CD48: variants seen among roughly 807,000 people sequenced by gnomAD.
CD48 encodes the protein CD48 molecule, also known as CD48 antigen.
A neutral mutation model predicts 22.0 loss-of-function variants in CD48; 20 were observed. The ratio of observed to expected loss-of-function variants is 0.91; its 90% confidence interval spans 0.64 to 1.32. The LOEUF is 1.32. CD48 is among the 40% of genes most tolerant of loss of function. The pLI, the probability that CD48 is intolerant of heterozygous loss-of-function variation, is 0.00. For missense variants in CD48, 307 were observed against 286.5 expected (o/e 1.07, Z -0.52); for synonymous variants, 110 against 110.1 (o/e 1.00, Z 0.01).
chr1:160,689,917 A>T (rs1304647782), intron 1 of CD48, among the ~76,000 whole-genome samples: 1 of 152,018 alleles, frequency 6.6e-6, no homozygotes, highest in African/African-American at 2.4e-5. Flanking sequence ...TTTATGGAAA[A>T]TTTTTTGCCT....
chr1:160,690,379 A>G lies in CD48; in HGVS notation c.83-5190T>C, dbSNP rs115237530. On this transcript the variant is annotated intron_variant, in intron 1 of 3. Transcript: ENST00000368046. Reference sequence around the variant, plus strand: ...CTAACATGAGTCACATCCATTTGCCATCAAGCATTAGGAGTTAGGCCTCTA... The same window carrying G: ...CTAACATGAGTCACATCCATTTGCCGTCAAGCATTAGGAGTTAGGCCTCTA... Among the ~76,000 whole-genome samples the G allele has an allele frequency of 5.2e-3, 794 of 152,362 alleles. 7 individuals are homozygous for G. Among genetic ancestry groups the G allele is most frequent in the African/African-American group, 0.018 (761 of 41,594 alleles).
chr1:160,683,325 T>G (rs1661872427), intron 2 of CD48, among the ~76,000 whole-genome samples: 1 of 152,128 alleles, frequency 6.6e-6, no homozygotes, highest in Non-Finnish European at 1.5e-5. Context: ...CAGAGGACCA[T>G]TTTTTCTGCT....
chr1:160,710,371 G>A (rs1337994853), intron 1 of CD48, among the ~76,000 whole-genome samples: 1 of 150,798 alleles, frequency 6.6e-6, no homozygotes, highest in African/African-American at 2.5e-5. Context: ...TGCTTAATTT[G>A]TATTTTACTA....
chr1:160,711,726 T>C lies in CD48; in HGVS notation c.38A>G (p.Glu13Gly). The C allele has an allele frequency of 6.2e-7, 1 of 1,613,764 alleles. No individual in the cohort carries two copies. The highest frequency in any genetic ancestry group is 8.5e-7 in the Non-Finnish European group (1 of 1,179,762). Residue 13 changes from glutamate (E) to glycine (G), a missense_variant, in exon 1 of 4, where the codon GAA (glutamate) becomes GGA (glycine). Glu to Gly is a moderately conservative substitution (Grantham distance 98). Transcript: ENST00000368046. ...GAGTGACAGAGGCAGCAGTAGCAAT[T>C]CCAGAGCCAGACACGAATCCCAACC... The part of the protein sequence containing the change: ...SRGWDSCLAL[E>G]LLLLPLSLLV...
chr1:160,692,652 C>T (rs936401159), intron 1 of CD48, among the ~76,000 whole-genome samples: 2 of 152,064 alleles, frequency 1.3e-5, no homozygotes, highest in African/African-American at 4.8e-5. Context: ...CCTATGGCAC[C>T]ACCTAGTAGA....
chr1:160,686,288 A>T (rs1017067209), intron 1 of CD48, among the ~76,000 whole-genome samples: 1 of 152,190 alleles, frequency 6.6e-6, no homozygotes, highest in Non-Finnish European at 1.5e-5. Flanking sequence ...GGAGAAGGTC[A>T]GAGAAAAACT....
chr1:160,681,433 T>G lies in CD48; in HGVS notation c.421A>C (p.Ile141Leu), dbSNP rs746441388. Reference protein sequence around the residue: ...VPKPVIKIEKIEDMDDNCYLK... With the variant: ...VPKPVIKIEKLEDMDDNCYLK... ...TAACAGTTGTCATCCATGTCTTCTATCTTCTCAATTTTGATGACAGGCTTG... is the reference window on the plus strand; with the variant it reads ...TAACAGTTGTCATCCATGTCTTCTAGCTTCTCAATTTTGATGACAGGCTTG... The change falls in exon 3 of 4, where the codon ATA (isoleucine) becomes CTA (leucine). Residue 141 changes from isoleucine to leucine, a missense_variant. Physicochemically the swap from Ile to Leu is conservative, Grantham distance 5. Transcript: ENST00000368046. The G allele has an allele frequency of 6.2e-7, 1 of 1,613,978 alleles. No homozygotes were observed. Among genetic ancestry groups the G allele is most frequent in the Admixed American group, 1.7e-5 (1 of 60,008 alleles).
rs1452673569 is a variant in CD48 at position 160,702,251 on chromosome 1, AT to A, written c.82+9430del. Among the ~76,000 whole-genome samples the A allele has an allele frequency of 2.6e-5, 4 of 152,208 alleles. No homozygotes were observed. The East Asian group carries it at 7.7e-4, about 29-fold the overall frequency. On this transcript the variant is annotated intron_variant, in intron 1 of 3. Transcript: ENST00000368046. The stretch of plus-strand genomic sequence containing the variant: ...TCAAAGGCAAAGAATCAGGAAGTAA[AT>A]TTAGAGGAATAGTACTAAAGAGATC...
intron 1 of CD48, among the ~76,000 whole-genome samples, chr1:160,690,440 G>T (rs1430456356): frequency 1.3e-5 from 2 of 152,194 alleles, no homozygotes; most frequent in Non-Finnish European, 1.5e-5. Flanking sequence ...GAAGTACGAA[G>T]ACCTGGCACT....
chr1:160,701,175 T>TA (rs34978243), intron 1 of CD48, among the ~76,000 whole-genome samples: 2 of 136,854 alleles, frequency 1.5e-5, no homozygotes, highest in Non-Finnish European at 3.1e-5. Flanking sequence ...TAAAGCAATA[T>TA]AAAAAAAAAT....
In CD48 at chr1:160,699,975, T is replaced by C. The variant is rs557165001; in HGVS notation, c.82+11707A>G. ...TTTCCAAGTCTCTCGTTCCACCTTA[T>C]GAGAAACACCCACAGGTGTGGAGGG... On this transcript the variant is annotated intron_variant, in intron 1 of 3. Coordinates refer to ENST00000368046, the MANE Select transcript of CD48 (RefSeq NM_001778.4). Among the ~76,000 whole-genome samples the C allele has an allele frequency of 5.9e-5, 9 of 152,198 alleles. No homozygotes were observed. In the South Asian group the frequency reaches 6.2e-4, roughly 11 times the overall value.
intron 1 of CD48, 59 bp from the exon 2 acceptor site, chr1:160,685,248 C>G (rs1011296527): frequency 1.5e-6 from 2 of 1,330,462 alleles, no homozygotes; most frequent in African/African-American, 2.9e-5. Context: ...CTGACAGGCC[C>G]AGGGTATAGC....
chr1:160,708,132 C>T (rs955046700), intron 1 of CD48, among the ~76,000 whole-genome samples: 4 of 152,014 alleles, frequency 2.6e-5, no homozygotes, highest in African/African-American at 9.7e-5. Context: ...TGGGATGAAA[C>T]CAGGGAAAGA....
intron 1 of CD48, among the ~76,000 whole-genome samples, chr1:160,696,823 A>T (rs1436173151): frequency 1.4e-5 from 2 of 147,406 alleles, no homozygotes; most frequent in East Asian, 3.9e-4. Context: ...CTGTAATGGG[A>T]GTTCCAGAAA....
intron 1 of CD48, among the ~76,000 whole-genome samples, chr1:160,689,938 G>A (rs909066075): frequency 9.9e-5 from 15 of 152,182 alleles, no homozygotes; most frequent in Admixed American, 2.0e-4. Context: ...GTATAATGGC[G>A]TTTGGCTGCA....
intron 1 of CD48, among the ~76,000 whole-genome samples, chr1:160,709,717 T>C (rs1357788789): frequency 1.3e-5 from 2 of 152,214 alleles, no homozygotes; most frequent in African/African-American, 4.8e-5. Flanking sequence ...GAGAACTACT[T>C]GCACTTCTCA....
intron 3 of CD48, among the ~76,000 whole-genome samples, chr1:160,679,600 A>G (rs1661723580): frequency 6.6e-6 from 1 of 152,208 alleles, no homozygotes; most frequent in Admixed American, 6.5e-5. Flanking sequence ...AGGAAAAGAA[A>G]AAGGATGGAA....
At position 160,681,172 on chromosome 1, in the gene CD48, C is replaced by T. The variant is rs1284585771; in HGVS notation, c.652+30G>A. The T allele has an allele frequency of 1.9e-5, 31 of 1,613,510 alleles. 1 individual carries two copies. Among genetic ancestry groups the T allele is most frequent in the Non-Finnish European group, 2.5e-5 (30 of 1,179,628 alleles). On this transcript the variant is annotated intron_variant, in intron 3 of 3. Coordinates refer to ENST00000368046, the MANE Select transcript of CD48 (RefSeq NM_001778.4). ...TCAAAACAACTCCAGTTACCCTGTG[C>T]CCCCCTCAGCTCCCAGGGATCCTTC...
intron 1 of CD48, among the ~76,000 whole-genome samples, chr1:160,706,086 AT>A (rs925528357): frequency 4.6e-5 from 7 of 151,722 alleles, no homozygotes; most frequent in East Asian, 1.9e-4. Context: ...TATATATATA[AT>A]TTTTTTTATG....
Sources: gnomAD v4.1 joint callset for allele counts (sites outside exome capture counted in the v4.1 genomes callset) on GRCh38, gnomAD v4.1.1 for gene constraint, MANE v1.5 for transcripts, NCBI Gene and HGNC (gene_info 2026-07-23, HGNC 2026-07-21) for gene names.